RGPD8: variants seen among roughly 807,000 people sequenced by gnomAD.
The protein encoded by RGPD8 is RANBP2 like and GRIP domain containing 8, also known as RANBP2-like and GRIP domain-containing protein 8.
Under a neutral mutation model 89.1 loss-of-function variants are expected in RGPD8, and 15 were observed. The observed-to-expected ratio is 0.17, with a 90% CI of 0.11 to 0.26. The LOEUF (loss-of-function observed/expected upper bound fraction) is 0.26, where lower values mean the gene tolerates loss of function less well. Among genes scored for constraint, RGPD8 ranks in the 10% least tolerant of loss-of-function variants. RGPD8 has a pLI of 1.00. For synonymous variants in RGPD8, 62 were observed against 420.9 expected (o/e 0.15, Z 10.44); for missense variants, 178 against 1,179.6 (o/e 0.15, Z 12.44).
At chr2:112,416,474 T>A (rs1679421857) in intron 6 of RGPD8, among the ~76,000 whole-genome samples, 1 of 150,694 alleles carries the variant, frequency 6.6e-6, no homozygotes, top group Non-Finnish European at 1.5e-5. Context: ...TTTACAGGCA[T>A]ACAATCTCTG....
At position 112,390,364 on chromosome 2, in the gene RGPD8, T is replaced by C. The variant is rs1678650082; in HGVS notation, c.2698-117A>G. ...ATGATGTTAACAATAATGATGATGA[T>C]GATGATGATAACATTTATTGAGCAT... On this transcript the variant is annotated intron_variant, in intron 19 of 22. Transcript: ENST00000302558. 12 of 732,362 alleles carry C rather than the reference T, an allele frequency of 1.6e-5. 1 individual carries two copies. The highest frequency in any genetic ancestry group is 2.6e-5 in the Non-Finnish European group (12 of 460,962). 45.4% of individuals were successfully genotyped at this position (732,362 alleles called of 1,614,324 possible). A position where few individuals can be genotyped will look rare whatever the true frequency, so the allele number is the denominator to read the frequency against.
Position 112,431,596 on chromosome 2 carries a change from C to T in RGPD8, c.72+1786G>A, listed in dbSNP as rs2104411034. Among the ~76,000 whole-genome samples, 2 of 151,566 alleles carry T rather than the reference C, an allele frequency of 1.3e-5. 1 individual carries two copies. The highest frequency in any genetic ancestry group is 3.9e-4 in the East Asian group (2 of 5,160). On this transcript the variant is annotated intron_variant, in intron 1 of 22. Coordinates refer to ENST00000302558, the MANE Select transcript of RGPD8 (RefSeq NM_001164463.1). ...ACCTATGCTTAGTTATGATAAGAGACACAATTATGCTACTATTATAATCAT... is the reference window on the plus strand; with the variant it reads ...ACCTATGCTTAGTTATGATAAGAGATACAATTATGCTACTATTATAATCAT...
At chr2:112,429,431 A>AG (rs919873673) in intron 1 of RGPD8, among the ~76,000 whole-genome samples, 6 of 150,220 alleles carry the variant, frequency 4.0e-5, no homozygotes, top group Non-Finnish European at 8.9e-5. Context: ...AAAAAAAAAA[A>AG]AAAAAAGAAA....
rs1353825401 is a variant in RGPD8 at position 112,433,554 on chromosome 2, G to C, written c.-101C>G. The C allele has an allele frequency of 6.3e-6, 8 of 1,266,504 alleles. No individual in the cohort carries two copies. The highest frequency in any genetic ancestry group is 4.6e-5 in the African/African-American group (3 of 65,246). 78.5% of individuals were successfully genotyped at this position (1,266,504 alleles called of 1,614,324 possible). On this transcript the variant is annotated 5_prime_UTR_variant, in exon 1 of 23. Coordinates refer to ENST00000302558, the MANE Select transcript of RGPD8 (RefSeq NM_001164463.1). ...AGTGCCTGCAAGCCACTGAAGCAGC[G>C]GCGTAGCCGGCGGAGGCCCACTGTG... is the stretch of plus-strand genomic sequence containing the variant.
chr2:112,382,734 T>TA (rs1678363090), intron 20 of RGPD8, among the ~76,000 whole-genome samples: 1 of 141,988 alleles, frequency 7.0e-6, no homozygotes, highest in African/African-American at 2.6e-5. Flanking sequence ...AAATATCAAA[T>TA]GATAAGAGTA....
rs1679669570 is a variant in RGPD8, at chr2:112,424,350, A to T, written c.73-43T>A. The T allele has an allele frequency of 6.3e-6, 10 of 1,586,684 alleles. No individual in the cohort carries two copies. The East Asian group carries it at 2.2e-4, about 36-fold the overall frequency. On this transcript the variant is annotated intron_variant, in intron 1 of 22. Transcript: ENST00000302558. ...GTTGTTTTATGTTTCATACAGAAAT[A>T]TTTTCCAACATTTTTTCAAAAGTAG...
Position 112,433,392 on chromosome 2 carries a change from G to C in RGPD8, c.62C>G (p.Ser21Trp). ...YVASVLGLTP[S>W]PRQKSMKGFY... ...TCCAGACCCACTCACCTGTCGAGGCGACGGGGTGAGACCCAGCACCGAGGC... is the reference window on the plus strand; with the variant it reads ...TCCAGACCCACTCACCTGTCGAGGCCACGGGGTGAGACCCAGCACCGAGGC... Residue 21 changes from serine (S) to tryptophan (W), a missense_variant, in exon 1 of 23, where the codon TCG (serine) becomes TGG (tryptophan). Physicochemically the swap from Ser to Trp is radical, Grantham distance 177. Coordinates refer to ENST00000302558, the MANE Select transcript of RGPD8 (RefSeq NM_001164463.1). 1 of 1,610,112 alleles carries C rather than the reference G, an allele frequency of 6.2e-7. No individual in the cohort carries two copies. The highest frequency in any genetic ancestry group is 8.5e-7 in the Non-Finnish European group (1 of 1,178,988).
In RGPD8 at chr2:112,432,763, G is replaced by C. The variant is rs1030916337; in HGVS notation, c.72+619C>G. On this transcript the variant is annotated intron_variant, in intron 1 of 22. Coordinates refer to ENST00000302558, the MANE Select transcript of RGPD8 (RefSeq NM_001164463.1). ...GGCGAGCCCACGAGCGAGCACCGTC[G>C]GGAACAAACCGGGAGAAAGAGGAAG... is the stretch of plus-strand genomic sequence containing the variant. Among the ~76,000 whole-genome samples the C allele has an allele frequency of 5.3e-5, 8 of 152,118 alleles. 1 individual carries two copies. The highest frequency in any genetic ancestry group is 5.2e-4 in the Admixed American group (8 of 15,280).
intron 1 of RGPD8, chr2:112,432,609 G>C (rs1441016692): frequency 1.0e-6 from 1 of 985,118 alleles, no homozygotes; most frequent in Non-Finnish European, 1.2e-6. Flanking sequence ...AAGGAGGTAC[G>C]ACCTCCGCCG....
Position 112,422,573 on chromosome 2 carries a change from G to C in RGPD8, c.227C>G (p.Thr76Arg), listed in dbSNP as rs773017348. 6.2e-7 allele frequency: 1 copy of C among 1,610,046 alleles called. No homozygotes were observed. Among genetic ancestry groups the C allele is most frequent in the Non-Finnish European group, 8.5e-7 (1 of 1,179,180 alleles). The part of the protein sequence containing the change: ...LGLLYELEEN[T>R]EKAVECYRRS... ...CCTGTAACATTCAACGGCTTTCTCT[G>C]TGTTTTCTTCCAATTCATAAAGAAG... The change falls in exon 3 of 23, where the codon ACA (threonine) becomes AGA (arginine). Residue 76 changes from threonine to arginine, a missense_variant. Physicochemically the swap from Thr to Arg is moderately conservative, Grantham distance 71. Coordinates refer to ENST00000302558, the MANE Select transcript of RGPD8 (RefSeq NM_001164463.1).
intron 7 of RGPD8, among the ~76,000 whole-genome samples, chr2:112,408,774 C>T (rs1441224744): frequency 2.7e-4 from 41 of 151,156 alleles, no homozygotes; most frequent in African/African-American, 9.6e-4. Context: ...TGGTTTCAAG[C>T]AATTCTCCTG....
chr2:112,379,101 C>A (rs1678184152), intron 21 of RGPD8, among the ~76,000 whole-genome samples: 1 of 140,676 alleles, frequency 7.1e-6, no homozygotes, highest in African/African-American at 2.6e-5. Context: ...AGAAATGAGG[C>A]AAAGAACAAT....
intron 22 of RGPD8, among the ~76,000 whole-genome samples, 165 bp from the exon 23 acceptor site, chr2:112,370,377 T>A (rs1677928000): frequency 6.9e-6 from 1 of 144,614 alleles, no homozygotes; most frequent in South Asian, 2.2e-4. Context: ...TTTTTTTTTT[T>A]TTTTTTTTTT....
intron 1 of RGPD8, among the ~76,000 whole-genome samples, chr2:112,429,416 A>T (rs1421016571): frequency 1.5e-5 from 1 of 67,200 alleles, no homozygotes; most frequent in Admixed American, 1.5e-4. Context: ...ACTCCGTCTC[A>T]AAAAAAAAAA....
chr2:112,429,903 G>A (rs1431742913), intron 1 of RGPD8, among the ~76,000 whole-genome samples: 1 of 152,112 alleles, frequency 6.6e-6, no homozygotes, highest in Non-Finnish European at 1.5e-5. Flanking sequence ...TGCCTCCAGG[G>A]TTCAAGCAAT....
intron 21 of RGPD8, among the ~76,000 whole-genome samples, chr2:112,380,541 T>C (rs1678253533): frequency 6.8e-6 from 1 of 147,380 alleles, no homozygotes; most frequent in Admixed American, 6.9e-5. Context: ...TAGTCCCAGC[T>C]ACTCGGGAGG....
intron 22 of RGPD8, among the ~76,000 whole-genome samples, chr2:112,370,433 C>T (rs1209798062): frequency 3.5e-4 from 35 of 99,196 alleles, no homozygotes; most frequent in African/African-American, 9.9e-4. Flanking sequence ...AGTGCAGTGG[C>T]GTGATGAGAC....
At chr2:112,376,570 C>G (rs1241115387) in intron 22 of RGPD8, among the ~76,000 whole-genome samples, 1 of 132,632 alleles carries the variant, frequency 7.5e-6, no homozygotes, top group Non-Finnish European at 1.7e-5. Context: ...AATCCCAGCA[C>G]TTTGGGAGGC....
rs1246623149 is a variant in RGPD8, at chr2:112,387,424, G to C, written c.4921+600C>G. ...TCAGTCAGGCTGGAGTAAGTGGCAT[G>C]ATTTCAGCTCACTGCTACCTCCATC... On this transcript the variant is annotated intron_variant, in intron 20 of 22. Coordinates refer to ENST00000302558, the MANE Select transcript of RGPD8 (RefSeq NM_001164463.1). 1.4e-5 allele frequency among the ~76,000 whole-genome samples: 2 copies of C among 143,456 alleles called. 1 individual carries two copies. The allele number at this position is 143,456 out of a possible 152,430, so 94.1% of individuals were successfully genotyped here.
Sources: allele counts gnomAD v4.1 joint callset (sites outside exome capture counted in the v4.1 genomes callset), GRCh38; gene constraint gnomAD v4.1.1; transcripts MANE v1.5; gene names NCBI Gene and HGNC (gene_info 2026-07-23, HGNC 2026-07-21).